SH3YL1: variants seen among roughly 807,000 people sequenced by gnomAD.
SH3YL1 encodes SH3 domain-containing YSC84-like protein 1.
SH3YL1 carries 41 observed loss-of-function variants against 45.8 expected under a neutral mutation model. That is an observed-to-expected ratio of 0.89 (90% CI 0.70 to 1.16). The LOEUF is 1.16. Ranked by LOEUF, SH3YL1 falls within the 50% of genes most tolerant of loss-of-function variation. The pLI is 0.00. For synonymous variants in SH3YL1, 152 were observed against 151.4 expected, an observed-to-expected ratio of 1.00 and a Z score of -0.03; for missense variants, 389 against 409.6, an observed-to-expected ratio of 0.95 and a Z score of 0.43.
At chr2:232,714 T>C (rs1489915561) in intron 6 of SH3YL1, among the ~76,000 whole-genome samples, 1 of 152,076 alleles carries the variant, frequency 6.6e-6, no homozygotes, top group African/African-American at 2.4e-5. Context: ...GTCCTTGTGA[T>C]AGTTTGCTGA....
intron 5 of SH3YL1, among the ~76,000 whole-genome samples, chr2:233,706 A>G (rs894929898): frequency 2.6e-5 from 4 of 152,212 alleles, no homozygotes; most frequent in African/African-American, 9.7e-5. Flanking sequence ...TGCACAATTA[A>G]TCCAAGACTA....
intron 9 of SH3YL1, among the ~76,000 whole-genome samples, chr2:220,675 T>A (rs2103014865): frequency 6.6e-6 from 1 of 152,332 alleles, no homozygotes; most frequent in Non-Finnish European, 1.5e-5. Context: ...TGTCATCAGA[T>A]CAGGATGCAA....
intron 5 of SH3YL1, among the ~76,000 whole-genome samples, 191 bp from the exon 6 acceptor site, chr2:233,420 G>C (rs1429441992): frequency 2.0e-5 from 3 of 152,192 alleles, no homozygotes; most frequent in Non-Finnish European, 4.4e-5. Flanking sequence ...CAGGCCGGGG[G>C]AAGAACATAC....
rs1667439261 is a variant in SH3YL1, at chr2:218,440, C to T, written c.*371G>A. 2 of 167,586 alleles carry T rather than the reference C, an allele frequency of 1.2e-5. No homozygotes were observed. Among genetic ancestry groups the T allele is most frequent in the African/African-American group, 2.4e-5 (1 of 42,064 alleles). 10.4% of individuals were successfully genotyped at this position (167,586 alleles called of 1,614,324 possible). On this transcript the variant is annotated 3_prime_UTR_variant, in exon 10 of 10. Coordinates refer to ENST00000356150, the MANE Select transcript of SH3YL1 (RefSeq NM_015677.4). ...AAGCTGATTTCTTTTTCTCTAGTCA[C>T]TTTGCAAATGGAAATGTAAGAATTG...
intron 6 of SH3YL1, among the ~76,000 whole-genome samples, chr2:231,970 C>T (rs1367591221): frequency 6.6e-6 from 1 of 152,034 alleles, no homozygotes; most frequent in African/African-American, 2.4e-5. Context: ...TGCTTTGTCT[C>T]GGATAGTGGC....
At chr2:256,209 T>C (rs1006833388) in intron 1 of SH3YL1, 1 of 152,230 alleles carries the variant, frequency 6.6e-6, no homozygotes, top group Non-Finnish European at 1.5e-5. Context: ...TTACTCACCA[T>C]GAAATTACTG....
chr2:231,176 AT>A lies in SH3YL1; in HGVS notation c.548del (p.Asp183ValfsTer73), dbSNP rs1668024824. 6.2e-7 allele frequency: 1 copy of A among 1,609,670 alleles called. No individual in the cohort carries two copies. Among genetic ancestry groups the A allele is most frequent in the Non-Finnish European group, 8.5e-7 (1 of 1,178,106 alleles). ...CAAATAAAATGTCATAAGCTCGGAT[AT>A]CTTGACAATAAAATCTAATGGGAAA... ...KETNRKFYCQ[D>X]IRAYDILFGD... On this transcript the variant is annotated frameshift_variant, in exon 7 of 10. Coordinates refer to ENST00000356150, the MANE Select transcript of SH3YL1 (RefSeq NM_015677.4). LOFTEE classifies it high-confidence loss of function.
chr2:245,813 G>A (rs1179163715), intron 4 of SH3YL1, among the ~76,000 whole-genome samples: 4 of 152,108 alleles, frequency 2.6e-5, no homozygotes, highest in East Asian at 1.9e-4. Flanking sequence ...ACTGTGCAGC[G>A]CACCAGTCTT....
intron 4 of SH3YL1, among the ~76,000 whole-genome samples, chr2:245,193 T>C (rs1490246136): frequency 6.6e-6 from 1 of 152,110 alleles, no homozygotes; most frequent in Non-Finnish European, 1.5e-5. Flanking sequence ...CACTCACAAT[T>C]ACACGCAGAG....
chr2:250,332 T>C lies in SH3YL1; in HGVS notation c.113-488A>G, dbSNP rs75759445. 2.8e-4 allele frequency among the ~76,000 whole-genome samples: 42 copies of C among 152,314 alleles called. No individual in the cohort carries two copies. In the East Asian group the frequency reaches 7.5e-3, roughly 27 times the overall value. ...ATTAACCTTGTATTAATATAAAAAT[T>C]TGGATTCAAAAACAGAAAAATTAAG... On this transcript the variant is annotated intron_variant, in intron 2 of 9. Coordinates refer to ENST00000356150, the MANE Select transcript of SH3YL1 (RefSeq NM_015677.4).
intron 1 of SH3YL1, among the ~76,000 whole-genome samples, chr2:258,660 T>G (rs1400205821): frequency 6.6e-6 from 1 of 152,214 alleles, no homozygotes; most frequent in Non-Finnish European, 1.5e-5. Flanking sequence ...TCTGTTTGTG[T>G]GTCTAGAGTA....
intron 3 of SH3YL1, among the ~76,000 whole-genome samples, chr2:248,910 C>T (rs184084159): frequency 1.2e-3 from 179 of 152,216 alleles, no homozygotes; most frequent in African/African-American, 4.1e-3. Context: ...TTGTTGACTG[C>T]GGGGATACCT....
At chr2:261,169 C>A (rs930014383) in intron 1 of SH3YL1, 10 of 152,250 alleles carry the variant, frequency 6.6e-5, no homozygotes, top group Admixed American at 5.9e-4. Context: ...AAAATTTAGA[C>A]ATAAGCCTCA....
At chr2:262,472 C>A in intron 1 of SH3YL1, 1 of 644,282 alleles carries the variant, frequency 1.6e-6, no homozygotes, top group Non-Finnish European at 2.3e-6. Flanking sequence ...TCTTCTCCAA[C>A]TGAAGAGTGT....
At chr2:229,455 C>T (rs1240678804) in intron 8 of SH3YL1, among the ~76,000 whole-genome samples, 3 of 152,048 alleles carry the variant, frequency 2.0e-5, no homozygotes, top group South Asian at 2.1e-4. Flanking sequence ...ATGGGCCGGG[C>T]ACGGTGGCTC....
Position 234,160 on chromosome 2 carries a change from C to T in SH3YL1, c.404G>A (p.Arg135Lys), listed in dbSNP as rs2103028857. The part of the protein sequence containing the change: ...NLTVAVGPLG[R>K]NLEGNVALRS... Reference sequence around the variant, plus strand: ...TCTAACATCTATTTAAAGAACTCACCTTCCCAAGGGCCCAACCGCCACAGT... The same window carrying T: ...TCTAACATCTATTTAAAGAACTCACTTTCCCAAGGGCCCAACCGCCACAGT... Residue 135 changes from arginine (R) to lysine (K), a missense_variant and splice_region_variant, in exon 5 of 10, where the codon AGG becomes AAG. Physicochemically the swap from Arg to Lys is conservative, Grantham distance 26. Coordinates refer to ENST00000356150, the MANE Select transcript of SH3YL1 (RefSeq NM_015677.4). 6.2e-7 allele frequency: 1 copy of T among 1,609,284 alleles called. No individual in the cohort carries two copies. The highest frequency in any genetic ancestry group is 8.5e-7 in the Non-Finnish European group (1 of 1,178,172).
chr2:223,465 C>T (rs1027665540), intron 9 of SH3YL1, among the ~76,000 whole-genome samples: 1 of 152,148 alleles, frequency 6.6e-6, no homozygotes, highest in Non-Finnish European at 1.5e-5. Flanking sequence ...AGTTTAGGAG[C>T]ACTTTAACAA....
intron 3 of SH3YL1, among the ~76,000 whole-genome samples, chr2:248,652 G>A (rs575788656): frequency 1.7e-4 from 26 of 152,226 alleles, no homozygotes; most frequent in South Asian, 1.0e-3. Context: ...CCTACCCTTG[G>A]TCAGCAAGTC....
chr2:264,002 G>A lies in SH3YL1; in HGVS notation c.-18C>T, dbSNP rs1389216439. 6.9e-7 allele frequency: 1 copy of A among 1,449,680 alleles called. No homozygotes were observed. The highest frequency in any genetic ancestry group is 9.1e-7 in the Non-Finnish European group (1 of 1,095,124). 89.8% of individuals were successfully genotyped at this position (1,449,680 alleles called of 1,614,324 possible). A position where few individuals can be genotyped will look rare whatever the true frequency, so the allele number is the denominator to read the frequency against. The stretch of plus-strand genomic sequence containing the variant: ...TACTCACTGCTGCCCGCCCGGCCGC[G>A]GCGCCCCGTCCCGAGGCTGCCCAGG... On this transcript the variant is annotated 5_prime_UTR_variant, in exon 1 of 10. Coordinates refer to ENST00000356150, the MANE Select transcript of SH3YL1 (RefSeq NM_015677.4).
Sources: allele counts gnomAD v4.1 joint callset (sites outside exome capture counted in the v4.1 genomes callset), GRCh38; gene constraint gnomAD v4.1.1; transcripts MANE v1.5; gene names NCBI Gene and HGNC (gene_info 2026-07-23, HGNC 2026-07-21).